The following ANGPTL5 variants were observed in gnomAD, a reference collection of about 807,000 sequenced individuals.
ANGPTL5 encodes angiopoietin-related protein 5.
Under a neutral mutation model 39.4 loss-of-function variants are expected in ANGPTL5, and 34 were observed. That is an observed-to-expected ratio of 0.86 (90% CI 0.66 to 1.15). The LOEUF (loss-of-function observed/expected upper bound fraction) is 1.15. Among genes scored for constraint, ANGPTL5 ranks in the 50% most tolerant of loss-of-function variants. The pLI is 0.00. For synonymous variants in ANGPTL5, 146 were observed against 152.1 expected, an observed-to-expected ratio of 0.96 and a Z score of 0.29; for missense variants, 467 against 457.5, an observed-to-expected ratio of 1.02 and a Z score of -0.19.
At chr11:101,905,063 C>T (rs983595790) in intron 4 of ANGPTL5, among the ~76,000 whole-genome samples, 156 bp from the exon 5 acceptor site, 3 of 152,170 alleles carry the variant, frequency 2.0e-5, no homozygotes, top group Admixed American at 1.3e-4. Context: ...AGCTAAATAG[C>T]AATCATTAAA....
rs761904379 is a variant in ANGPTL5, at chr11:101,907,899, G to A, written c.11C>T (p.Pro4Leu). The change falls in exon 2 of 9, where the codon CCA (proline) becomes CTA (leucine). Residue 4 changes from proline (P) to leucine (L), a missense_variant. Coordinates refer to ENST00000334289, the MANE Select transcript of ANGPTL5 (RefSeq NM_178127.5). ...TAAGAATAAGAGTGAGGCTTGGGAT[G>A]GAGACATCATATTTTTCTTGGATAG... MMS[P>L]SQASLLFLNV... is the part of the protein sequence containing the mutation. 3 of 1,603,978 alleles carry A rather than the reference G, an allele frequency of 1.9e-6. No homozygotes were observed. Among genetic ancestry groups the A allele is most frequent in the South Asian group, 2.2e-5 (2 of 90,866 alleles).
At chr11:101,895,576 T>C (rs1421149544) in intron 7 of ANGPTL5, among the ~76,000 whole-genome samples, 1 of 152,222 alleles carries the variant, frequency 6.6e-6, no homozygotes, top group East Asian at 1.9e-4. Context: ...TGGAATACTT[T>C]CTTAACAGAC....
Position 101,902,595 on chromosome 11 carries a change from G to A in ANGPTL5, c.540+26C>T, listed in dbSNP as rs369227905. On this transcript the variant is annotated intron_variant, in intron 6 of 8. Coordinates refer to ENST00000334289, the MANE Select transcript of ANGPTL5 (RefSeq NM_178127.5). ...ATGTTTATCTTAGCCCACATAATAC[G>A]GGAAAACTTCAAATACGGGAAATAC... 618 of 1,483,108 alleles carry A rather than the reference G, an allele frequency of 4.2e-4. 8 individuals carry two copies. Among genetic ancestry groups the A allele is most frequent in the Admixed American group, 3.9e-3 (230 of 59,690 alleles). 91.9% of individuals were successfully genotyped at this position (1,483,108 alleles called of 1,614,324 possible). A position where few individuals can be genotyped will look rare whatever the true frequency, so the allele number is the denominator to read the frequency against.
chr11:101,891,202 A>G lies in ANGPTL5; in HGVS notation c.*77T>C, dbSNP rs1023764153. 1 of 1,368,840 alleles carries G rather than the reference A, an allele frequency of 7.3e-7. No individual in the cohort carries two copies. The highest frequency in any genetic ancestry group is 1.5e-5 in the African/African-American group (1 of 68,122). 84.8% of individuals were successfully genotyped at this position (1,368,840 alleles called of 1,614,324 possible). On this transcript the variant is annotated 3_prime_UTR_variant, in exon 9 of 9. Transcript: ENST00000334289. ...AAATTTTGCCTAATATGTTTGAAACACTAAGTGAAAAGATAAACTTTTAAA... is the reference window on the plus strand; with the variant it reads ...AAATTTTGCCTAATATGTTTGAAACGCTAAGTGAAAAGATAAACTTTTAAA...
chr11:101,908,635 C>T (rs1940039420), intron 1 of ANGPTL5, among the ~76,000 whole-genome samples: 1 of 151,842 alleles, frequency 6.6e-6, no homozygotes, highest in Non-Finnish European at 1.5e-5. Context: ...CAAAAATTAG[C>T]CGGGCGTTGT....
chr11:101,901,015 C>CTTTTTTTTTTT (rs34425298), intron 6 of ANGPTL5, among the ~76,000 whole-genome samples: 3 of 98,608 alleles, frequency 3.0e-5, no homozygotes, highest in Non-Finnish European at 5.8e-5. Flanking sequence ...GCACCCCCGG[C>CTTTTTTTTTTT]TTTTTTTTTT....
intron 5 of ANGPTL5, among the ~76,000 whole-genome samples, chr11:101,904,563 T>C (rs920679219): frequency 2.0e-5 from 3 of 152,208 alleles, no homozygotes; most frequent in Non-Finnish European, 4.4e-5. Flanking sequence ...TAGAAAGCTA[T>C]GTTATTTTCA....
At chr11:101,908,260 T>C (rs530903239) in intron 1 of ANGPTL5, among the ~76,000 whole-genome samples, 8 of 152,226 alleles carry the variant, frequency 5.3e-5, no homozygotes, top group Middle Eastern at 6.8e-3. Flanking sequence ...TATAAATTCA[T>C]CTAATTTTTG....
At position 101,891,555 on chromosome 11, in the gene ANGPTL5, T is replaced by G. The variant is rs1217334191; in HGVS notation, c.891A>C (p.Ala297=). The change falls in exon 9 of 9, where the codon GCA becomes GCC. Residue 297 remains alanine, a synonymous_variant. Transcript: ENST00000334289. Reference sequence around the variant, plus strand: ...CAACATCTGATGTGCTAAAAGGCATTGCATTTTGATTATCTTCTTTTTTGA... The same window carrying G: ...CAACATCTGATGTGCTAAAAGGCATGGCATTTTGATTATCTTCTTTTTTGA... ...RGLKKEDNQN[A]MPFSTSDVDN... 6.2e-7 allele frequency: 1 copy of G among 1,614,052 alleles called. No individual in the cohort carries two copies. The highest frequency in any genetic ancestry group is 1.3e-5 in the African/African-American group (1 of 75,030).
At position 101,890,880 on chromosome 11, in the gene ANGPTL5, T is replaced by G. The variant is rs1016791488; in HGVS notation, c.*399A>C. ...AGTTATTTATTGTAACTGTCTTCAG[T>G]AGAAATTATCTGTAGATTATATAAT... On this transcript the variant is annotated 3_prime_UTR_variant, in exon 9 of 9. Coordinates refer to ENST00000334289, the MANE Select transcript of ANGPTL5 (RefSeq NM_178127.5). 1 of 160,644 alleles carries G rather than the reference T, an allele frequency of 6.2e-6. No individual in the cohort carries two copies. Among genetic ancestry groups the G allele is most frequent in the Non-Finnish European group, 1.4e-5 (1 of 73,098 alleles). The allele number at this position is 160,644 out of a possible 1,614,324, so 10.0% of individuals were successfully genotyped here.
chr11:101,896,575 C>A (rs1450568086), intron 7 of ANGPTL5, among the ~76,000 whole-genome samples: 1 of 152,052 alleles, frequency 6.6e-6, no homozygotes, highest in Non-Finnish European at 1.5e-5. Flanking sequence ...TCTCATTGTT[C>A]AACTCCTACT....
At chr11:101,915,468 T>G in intron 1 of ANGPTL5, 1 of 1,562,006 alleles carries the variant, frequency 6.4e-7, no homozygotes, top group Non-Finnish European at 8.7e-7. Context: ...GGGGCCCATC[T>G]TTTTCCAATT....
In ANGPTL5 at chr11:101,895,062, C is replaced by T. The variant is rs752625689; in HGVS notation, c.664G>A (p.Glu222Lys). 1 of 1,569,602 alleles carries T rather than the reference C, an allele frequency of 6.4e-7. No individual in the cohort carries two copies. Among genetic ancestry groups the T allele is most frequent in the Non-Finnish European group, 8.7e-7 (1 of 1,149,758 alleles). Residue 222 changes from glutamate (E) to lysine (K), a missense_variant and splice_region_variant, in exon 8 of 9, where the codon GAA (glutamate) becomes AAA (lysine). Physicochemically the swap from Glu to Lys is moderately conservative, Grantham distance 56 (BLOSUM62 1). Coordinates refer to ENST00000334289, the MANE Select transcript of ANGPTL5 (RefSeq NM_178127.5). ...YLDGFGDLLG[E>K]FWLGLKKIFY... ...ATCTTTTTCAGTCCTAGCCAAAATT[C>T]TCCTGTAAAAAAAATGCTTTGTTTT...
intron 7 of ANGPTL5, among the ~76,000 whole-genome samples, chr11:101,900,040 C>A (rs138097786): frequency 1.3e-5 from 2 of 152,320 alleles, no homozygotes; most frequent in East Asian, 3.9e-4. Context: ...TACCTCAATT[C>A]GCCATTTCAT....
chr11:101,895,284 C>G (rs1423143133), intron 7 of ANGPTL5, among the ~76,000 whole-genome samples: 1 of 151,932 alleles, frequency 6.6e-6, no homozygotes, highest in Non-Finnish European at 1.5e-5. Flanking sequence ...AAAATCAGAC[C>G]CTTTTTCATT....
intron 7 of ANGPTL5, among the ~76,000 whole-genome samples, chr11:101,896,105 C>A (rs2054765827): frequency 6.6e-6 from 1 of 151,992 alleles, no homozygotes; most frequent in South Asian, 2.1e-4. Context: ...CATCATTTCC[C>A]AGTACCCCAC....
intron 1 of ANGPTL5, among the ~76,000 whole-genome samples, chr11:101,910,139 G>T (rs934707118): frequency 6.6e-6 from 1 of 152,020 alleles, no homozygotes; most frequent in African/African-American, 2.4e-5. Context: ...GGCTGGGCGC[G>T]GTGGCTCACG....
chr11:101,914,968 G>GC, intron 1 of ANGPTL5: 1 of 305,838 alleles, frequency 3.3e-6, no homozygotes, highest in East Asian at 5.6e-5. Context: ...ACATCGTCCC[G>GC]CCCCGACCTG....
chr11:101,896,911 G>C (rs1939807511), intron 7 of ANGPTL5, among the ~76,000 whole-genome samples: 2 of 152,174 alleles, frequency 1.3e-5, no homozygotes, highest in Non-Finnish European at 2.9e-5. Flanking sequence ...TCTAGTTCTA[G>C]ATCCTTGAGG....
Sources: allele counts gnomAD v4.1 joint callset (sites outside exome capture counted in the v4.1 genomes callset), GRCh38; gene constraint gnomAD v4.1.1; transcripts MANE v1.5; gene names NCBI Gene and HGNC (gene_info 2026-07-23, HGNC 2026-07-21).